The following FSTL5 variants were observed in gnomAD, a reference collection of about 807,000 sequenced individuals.
The protein encoded by FSTL5 is follistatin-related protein 5.
Under a neutral mutation model 89.1 loss-of-function variants are expected in FSTL5, and 62 were observed. The ratio of observed to expected loss-of-function variants is 0.70; its 90% CI spans 0.57 to 0.86. FSTL5 has a LOEUF of 0.86. FSTL5 is among the 40% of genes least tolerant of loss of function. FSTL5 has a pLI of 0.00. For synonymous variants in FSTL5, 383 were observed against 346.2 expected, an observed-to-expected ratio of 1.11 and a Z score of -1.18; for missense variants, 1,057 against 1,001.6, an observed-to-expected ratio of 1.06 and a Z score of -0.75.
At chr4:161,639,661 T>A (rs1735875815) in intron 7 of FSTL5, among the ~76,000 whole-genome samples, 1 of 152,134 alleles carries the variant, frequency 6.6e-6, no homozygotes, top group South Asian at 2.1e-4. Flanking sequence ...GGAAAGCAAT[T>A]TGAGATGAAT....
At chr4:161,749,241 C>T (rs890398923) in intron 6 of FSTL5, among the ~76,000 whole-genome samples, 10 of 152,272 alleles carry the variant, frequency 6.6e-5, no homozygotes, top group African/African-American at 2.4e-4. Context: ...ATGTTTATTG[C>T]AGCACTATTC....
rs542782212 is a variant in FSTL5 at position 161,840,662 on chromosome 4, C to T, written c.410-64588G>A. ...ATTTCTCCTCAACTAATCTCACTCCCGCCTAATCTGTGATATCTGATAAAC... is the reference window on the plus strand; with the variant it reads ...ATTTCTCCTCAACTAATCTCACTCCTGCCTAATCTGTGATATCTGATAAAC... On this transcript the variant is annotated intron_variant, in intron 4 of 15. Coordinates refer to ENST00000306100, the MANE Select transcript of FSTL5 (RefSeq NM_020116.5). 5.3e-5 allele frequency among the ~76,000 whole-genome samples: 8 copies of T among 152,252 alleles called. No individual in the cohort carries two copies. The East Asian group carries it at 1.5e-3, about 29-fold the overall frequency.
chr4:161,679,783 A>G (rs143000106), intron 6 of FSTL5, among the ~76,000 whole-genome samples: 1 of 151,856 alleles, frequency 6.6e-6, no homozygotes, highest in African/African-American at 2.4e-5. Context: ...AATTGATCAC[A>G]TACTATGTGC....
intron 15 of FSTL5, chr4:161,388,488 T>A (rs1379848263): frequency 6.6e-6 from 1 of 152,088 alleles, no homozygotes; most frequent in Non-Finnish European, 1.5e-5. Context: ...CAAAAAATCA[T>A]AAACATCATA....
intron 10 of FSTL5, among the ~76,000 whole-genome samples, chr4:161,522,349 C>A (rs62324310): frequency 0.14 from 21,686 of 152,046 alleles, 2,108 homozygotes; most frequent in East Asian, 0.37. Flanking sequence ...CCAGCTGACA[C>A]CTTCTGATAT....
intron 2 of FSTL5, among the ~76,000 whole-genome samples, chr4:162,049,369 T>A (rs1035193267): frequency 1.3e-5 from 2 of 152,216 alleles, no homozygotes; most frequent in Non-Finnish European, 2.9e-5. Flanking sequence ...CCCAAATCCC[T>A]AGCTGGAGTG....
At chr4:161,978,387 GACA>G (rs1735723738) in intron 3 of FSTL5, among the ~76,000 whole-genome samples, 1 of 151,978 alleles carries the variant, frequency 6.6e-6, no homozygotes, top group African/African-American at 2.4e-5. Flanking sequence ...AGGTTATTCA[GACA>G]TAACTTTTTT....
intron 6 of FSTL5, among the ~76,000 whole-genome samples, chr4:161,750,449 G>C (rs1330008107): frequency 6.6e-6 from 1 of 152,054 alleles, no homozygotes; most frequent in Admixed American, 6.6e-5. Flanking sequence ...TAATATTTTG[G>C]ACGTGTTTAA....
chr4:161,393,428 C>G (rs1291473525), intron 15 of FSTL5, among the ~76,000 whole-genome samples: 2 of 151,764 alleles, frequency 1.3e-5, no homozygotes, highest in Non-Finnish European at 2.9e-5. Flanking sequence ...AAACTACAGT[C>G]AAGCAGAAGG....
intron 7 of FSTL5, among the ~76,000 whole-genome samples, chr4:161,654,664 G>T (rs115836905): frequency 9.2e-5 from 14 of 152,090 alleles, no homozygotes; most frequent in Admixed American, 9.2e-4. Flanking sequence ...GTAACCAATA[G>T]GAGTTTGGGC....
intron 15 of FSTL5, among the ~76,000 whole-genome samples, chr4:161,448,897 A>G (rs367590970): frequency 1.3e-5 from 2 of 152,110 alleles, no homozygotes; most frequent in Admixed American, 1.3e-4. Flanking sequence ...ACTTCATTGA[A>G]TTCCTGATTT....
chr4:161,876,059 G>T (rs1732431948), intron 4 of FSTL5, among the ~76,000 whole-genome samples: 1 of 152,016 alleles, frequency 6.6e-6, no homozygotes, highest in South Asian at 2.1e-4. Flanking sequence ...AAGATGTAAA[G>T]ATATAAAATT....
At chr4:161,438,314 G>A (rs1233874128) in intron 15 of FSTL5, among the ~76,000 whole-genome samples, 1 of 150,180 alleles carries the variant, frequency 6.7e-6, no homozygotes, top group African/African-American at 2.5e-5. Flanking sequence ...AAGTGGGCCA[G>A]AGCTTCTTCT....
At chr4:161,918,726 C>A (rs780185613) in intron 4 of FSTL5, among the ~76,000 whole-genome samples, 1 of 151,766 alleles carries the variant, frequency 6.6e-6, no homozygotes, top group Admixed American at 6.6e-5. Context: ...CTCACTGCAA[C>A]CTCCGCCTCC....
At chr4:161,789,437 T>TA (rs139275405) in intron 4 of FSTL5, among the ~76,000 whole-genome samples, 3 of 152,090 alleles carry the variant, frequency 2.0e-5, no homozygotes, top group East Asian at 1.9e-4. Flanking sequence ...CAGATAGAAA[T>TA]AAAAAAAATT....
At chr4:161,741,589 G>C (rs1168077256) in intron 6 of FSTL5, among the ~76,000 whole-genome samples, 1 of 151,802 alleles carries the variant, frequency 6.6e-6, no homozygotes, top group South Asian at 2.1e-4. Context: ...TTGCATTCCA[G>C]ATCTAAGGAA....
At chr4:162,106,505 T>C (rs1579032605) in intron 2 of FSTL5, among the ~76,000 whole-genome samples, 1 of 152,166 alleles carries the variant, frequency 6.6e-6, no homozygotes, top group African/African-American at 2.4e-5. Flanking sequence ...CACGTTAATA[T>C]GCTGAACTAT....
At chr4:162,152,715 T>C (rs1021844896) in intron 1 of FSTL5, among the ~76,000 whole-genome samples, 1 of 152,078 alleles carries the variant, frequency 6.6e-6, no homozygotes, top group Non-Finnish European at 1.5e-5. Context: ...GGAACATACA[T>C]TTTAGAGAAC....
chr4:161,497,688 T>C (rs978567532), intron 12 of FSTL5, among the ~76,000 whole-genome samples: 2 of 152,002 alleles, frequency 1.3e-5, no homozygotes, highest in Non-Finnish European at 2.9e-5. Context: ...GTTTCTAGAA[T>C]AACTTCATAT....
Sources: allele counts gnomAD v4.1 joint callset (sites outside exome capture counted in the v4.1 genomes callset), GRCh38; gene constraint gnomAD v4.1.1; transcripts MANE v1.5; gene names NCBI Gene and HGNC (gene_info 2026-07-23, HGNC 2026-07-21).